Variants in SRRM4 observed in about 807,000 individuals in gnomAD.
The protein encoded by SRRM4 is serine/arginine repetitive matrix 4, also known as serine/arginine repetitive matrix protein 4.
In SRRM4, 33 loss-of-function variants were observed where a neutral mutation model predicts 68.9. That is an observed-to-expected ratio of 0.48 (90% confidence interval 0.36 to 0.64). SRRM4 has a LOEUF of 0.64. Among genes scored for constraint, SRRM4 ranks in the 30% least tolerant of loss-of-function variants. SRRM4 has a pLI of 0.00. For missense variants in SRRM4, 817 were observed against 827.1 expected, an observed-to-expected ratio of 0.99 and a Z score of 0.15; for synonymous variants, 318 against 318.8, an observed-to-expected ratio of 1.00 and a Z score of 0.03.
chr12:119,128,571 C>G (rs1243487003), intron 7 of SRRM4, among the ~76,000 whole-genome samples: 2 of 152,344 alleles, frequency 1.3e-5, no homozygotes, highest in South Asian at 2.1e-4. Flanking sequence ...CTCCTGGTGG[C>G]CTTTTTCTGG....
intron 1 of SRRM4, among the ~76,000 whole-genome samples, chr12:119,021,530 C>A (rs897199948): frequency 3.9e-5 from 6 of 152,132 alleles, no homozygotes; most frequent in African/African-American, 1.4e-4. Flanking sequence ...GTGTGCACAC[C>A]AGTGTGCACC....
At chr12:119,155,084 G>A (rs1954464028) in intron 12 of SRRM4, among the ~76,000 whole-genome samples, 1 of 152,166 alleles carries the variant, frequency 6.6e-6, no homozygotes, top group African/African-American at 2.4e-5. Context: ...AATGAAAAGG[G>A]GCAAAAAGAT....
chr12:119,052,958 C>T (rs1219834328), intron 1 of SRRM4, among the ~76,000 whole-genome samples: 2 of 152,128 alleles, frequency 1.3e-5, no homozygotes, highest in Admixed American at 6.5e-5. Context: ...TTATTATTTG[C>T]CTGAGAGATT....
chr12:119,051,736 T>C (rs1953743951), intron 1 of SRRM4, among the ~76,000 whole-genome samples: 1 of 152,208 alleles, frequency 6.6e-6, no homozygotes, highest in Middle Eastern at 3.2e-3. Context: ...GTTTAATCTC[T>C]TGTTTCTTTT....
At chr12:119,026,468 A>G (rs1953548911) in intron 1 of SRRM4, among the ~76,000 whole-genome samples, 1 of 152,034 alleles carries the variant, frequency 6.6e-6, no homozygotes, top group African/African-American at 2.4e-5. Context: ...TGTGCTAGAC[A>G]CAGTGTATGT....
At chr12:119,136,470 GTTTGT>G (rs375418674) in intron 8 of SRRM4, among the ~76,000 whole-genome samples, 38 of 152,014 alleles carry the variant, frequency 2.5e-4, no homozygotes, top group African/African-American at 8.5e-4. Flanking sequence ...ATTGGTTTTT[GTTTGT>G]TTTGTTTTGT....
At chr12:119,074,844 C>T (rs1306559946) in intron 1 of SRRM4, among the ~76,000 whole-genome samples, 1 of 152,192 alleles carries the variant, frequency 6.6e-6, no homozygotes, top group Admixed American at 6.5e-5. Context: ...CCATCACATA[C>T]ATATGACACA....
chr12:119,042,742 GA>G (rs1953677702), intron 1 of SRRM4, among the ~76,000 whole-genome samples: 1 of 151,998 alleles, frequency 6.6e-6, no homozygotes, highest in Non-Finnish European at 1.5e-5. Context: ...GCAGAGAAGA[GA>G]AGAGAAAGAA....
chr12:119,124,796 G>A (rs1954246513), intron 6 of SRRM4, among the ~76,000 whole-genome samples: 1 of 151,988 alleles, frequency 6.6e-6, no homozygotes, highest in Non-Finnish European at 1.5e-5. Flanking sequence ...AATTTACTCT[G>A]CAAATGTGTT....
chr12:119,073,484 C>A (rs1279762311), intron 1 of SRRM4, among the ~76,000 whole-genome samples: 2 of 151,910 alleles, frequency 1.3e-5, no homozygotes, highest in East Asian at 3.9e-4. Context: ...CCTGCCATGC[C>A]CAGCTAATTT....
At chr12:119,153,725 C>T (rs558119502) in intron 11 of SRRM4, 76 bp downstream of exon 11, 3 of 1,096,658 alleles carry the variant, frequency 2.7e-6, no homozygotes, top group East Asian at 5.2e-5. Flanking sequence ...CTGGCCCCGC[C>T]TCCCCGTTCT....
At chr12:119,023,659 T>C (rs1409484033) in intron 1 of SRRM4, among the ~76,000 whole-genome samples, 1 of 152,144 alleles carries the variant, frequency 6.6e-6, no homozygotes, top group Non-Finnish European at 1.5e-5. Flanking sequence ...CCAACATCTT[T>C]TCATTACTCT....
In SRRM4 at chr12:118,981,768, C is replaced by G. The variant is rs1953248469; in HGVS notation, c.-115C>G. On this transcript the variant is annotated 5_prime_UTR_variant, in exon 1 of 13. Transcript: ENST00000267260. ...CTGAACTCCGATCTCTCCCACCCCA[C>G]CCCTCTCTGGGTTTCACCCGGACAG... is the stretch of plus-strand genomic sequence containing the variant. 2 of 1,228,722 alleles carry G rather than the reference C, an allele frequency of 1.6e-6. No individual in the cohort carries two copies. The highest frequency in any genetic ancestry group is 2.2e-6 in the Non-Finnish European group (2 of 896,204). 76.1% of individuals were successfully genotyped at this position (1,228,722 alleles called of 1,614,324 possible).
In SRRM4 at chr12:119,159,763, A is replaced by T. The variant is rs1447674120; in HGVS notation, c.*2965A>T. ...CTCTGTCCCCTGAGATCTGAAGGCTACCTTGGGAAGAGGCATCAGCCATCT... is the reference window on the plus strand; with the variant it reads ...CTCTGTCCCCTGAGATCTGAAGGCTTCCTTGGGAAGAGGCATCAGCCATCT... On this transcript the variant is annotated 3_prime_UTR_variant, in exon 13 of 13. Transcript: ENST00000267260. 1.3e-5 allele frequency: 2 copies of T among 152,102 alleles called. No individual in the cohort carries two copies. The highest frequency in any genetic ancestry group is 3.9e-4 in the East Asian group (2 of 5,182). The allele number at this position is 152,102 out of a possible 1,614,324, so 9.4% of individuals were successfully genotyped here. A position where few individuals can be genotyped will look rare whatever the true frequency, so the allele number is the denominator to read the frequency against.
At chr12:119,077,943 C>T (rs1953926187) in intron 1 of SRRM4, among the ~76,000 whole-genome samples, 1 of 152,178 alleles carries the variant, frequency 6.6e-6, no homozygotes, top group Admixed American at 6.5e-5. Context: ...ATCTCTCAAT[C>T]TTCACTTCAT....
At chr12:119,105,556 T>C (rs1048955549) in intron 2 of SRRM4, among the ~76,000 whole-genome samples, 21 of 152,226 alleles carry the variant, frequency 1.4e-4, no homozygotes, top group Non-Finnish European at 2.5e-4. Flanking sequence ...TGATTTGCAT[T>C]TCTCTGATGG....
At chr12:119,063,918 A>T (rs1259294846) in intron 1 of SRRM4, among the ~76,000 whole-genome samples, 1 of 152,202 alleles carries the variant, frequency 6.6e-6, no homozygotes, top group Non-Finnish European at 1.5e-5. Flanking sequence ...TCCATTCCTA[A>T]ACCCATGTAA....
chr12:119,057,115 G>A (rs1396570879), intron 1 of SRRM4, among the ~76,000 whole-genome samples: 1 of 152,224 alleles, frequency 6.6e-6, no homozygotes, highest in Non-Finnish European at 1.5e-5. Context: ...CGCATCCTCA[G>A]ACACTTGGTC....
At chr12:118,988,046 T>G (rs1201145398) in intron 1 of SRRM4, among the ~76,000 whole-genome samples, 1 of 152,174 alleles carries the variant, frequency 6.6e-6, no homozygotes, top group African/African-American at 2.4e-5. Context: ...ATTCAGTATT[T>G]TTCTTCTAGC....
Sources: allele counts gnomAD v4.1 joint callset (sites outside exome capture counted in the v4.1 genomes callset), GRCh38; gene constraint gnomAD v4.1.1; transcripts MANE v1.5; gene names NCBI Gene and HGNC (gene_info 2026-07-23, HGNC 2026-07-21).